The following ZC2HC1B variants were observed in gnomAD, a reference collection of about 807,000 sequenced individuals.
ZC2HC1B encodes zinc finger C2HC-type containing 1B.
Under a neutral mutation model 31.0 loss-of-function variants are expected in ZC2HC1B, and 36 were observed. That is an observed-to-expected ratio of 1.16 (90% confidence interval 0.89 to 1.54). The LOEUF (loss-of-function observed/expected upper bound fraction) is 1.54. Among genes scored for constraint, ZC2HC1B ranks in the 40% most tolerant of loss-of-function variants. The pLI, the probability that ZC2HC1B is intolerant of heterozygous loss-of-function variation, is 0.00. For missense variants in ZC2HC1B, 260 were observed against 268.6 expected (o/e 0.97, Z 0.22); for synonymous variants, 73 against 88.0 (o/e 0.83, Z 0.95).
intron 6 of ZC2HC1B, among the ~76,000 whole-genome samples, chr6:143,932,457 T>C (rs924506368): frequency 6.6e-6 from 1 of 152,354 alleles, no homozygotes; most frequent in African/African-American, 2.4e-5. Flanking sequence ...GTGGAAACTT[T>C]CCAGTGCATT....
chr6:143,927,846 A>G (rs1243601317), intron 6 of ZC2HC1B, among the ~76,000 whole-genome samples: 1 of 152,212 alleles, frequency 6.6e-6, no homozygotes, highest in Non-Finnish European at 1.5e-5. Context: ...CTGGTATAAG[A>G]TGGCACCTCA....
rs1013050185 is a variant in ZC2HC1B at position 143,870,379 on chromosome 6, A to G, written c.28+5812A>G. Among the ~76,000 whole-genome samples the G allele has an allele frequency of 1.3e-5, 2 of 152,026 alleles. No homozygotes were observed. Among genetic ancestry groups the G allele is most frequent in the Admixed American group, 6.5e-5 (1 of 15,272 alleles). ...GCTCTAGTCTTCTCTTTTTCTGTCA[A>G]CTGATCATAGAGAACTCCTCATGAG... On this transcript the variant is annotated intron_variant, in intron 1 of 7. Transcript: ENST00000237275. The surrounding 1 kb of genome is among the most constrained non-coding windows in gnomAD (Gnocchi z 4.7).
rs1176622914 is a variant in ZC2HC1B at position 143,868,676 on chromosome 6, A to G, written c.28+4109A>G. ...ACTCAGTATTAACCATCACAAGTCT[A>G]CCTCTTGTCAACTTCAACCCATACC... On this transcript the variant is annotated intron_variant, in intron 1 of 7. Coordinates refer to ENST00000237275, the MANE Select transcript of ZC2HC1B (RefSeq NM_001013623.3). This position sits in a 1 kb window ranked among gnomAD's most constrained non-coding sequence, Gnocchi z 4.2. 9.2e-5 allele frequency among the ~76,000 whole-genome samples: 14 copies of G among 152,058 alleles called. No homozygotes were observed.
In ZC2HC1B at chr6:143,918,723, G is replaced by GCT. The variant is rs1562346704; in HGVS notation, c.598+15574_598+15575dup. Among the ~76,000 whole-genome samples the GCT allele has an allele frequency of 3.9e-5, 6 of 152,180 alleles. No homozygotes were observed. The highest frequency in any genetic ancestry group is 1.5e-5 in the Non-Finnish European group (1 of 68,004). ...TGACAGTGTCCCACAGGTCCCTAAG[G>GCT]CTCTGTTCACCTTTCCTTAAGTTTT... On this transcript the variant is annotated intron_variant, in intron 6 of 7. Transcript: ENST00000237275. This position sits in a 1 kb window ranked among gnomAD's most constrained non-coding sequence, Gnocchi z 4.1.
Position 143,906,670 on chromosome 6 carries a change from A to T in ZC2HC1B, c.598+3518A>T, listed in dbSNP as rs186566238. On this transcript the variant is annotated intron_variant, in intron 6 of 7. Coordinates refer to ENST00000237275, the MANE Select transcript of ZC2HC1B (RefSeq NM_001013623.3). ...TGTTAGCTAGGCTGGTCTCTAAATT[A>T]TGGCCTCAAGTGATCTTCCCGCCTT... Among the ~76,000 whole-genome samples the T allele has an allele frequency of 9.3e-5, 14 of 151,238 alleles. No individual in the cohort carries two copies. The East Asian group carries it at 2.7e-3, about 29-fold the overall frequency.
chr6:143,913,561 C>T lies in ZC2HC1B; in HGVS notation c.598+10409C>T, dbSNP rs974682311. The stretch of plus-strand genomic sequence containing the variant: ...CCTAGGGATATATGCAGACCACCTA[C>T]CTTGCCTGTGTTGCAGAAAGACTGG... On this transcript the variant is annotated intron_variant, in intron 6 of 7. Coordinates refer to ENST00000237275, the MANE Select transcript of ZC2HC1B (RefSeq NM_001013623.3). The surrounding 1 kb of genome is among the most constrained non-coding windows in gnomAD (Gnocchi z 5.7). Among the ~76,000 whole-genome samples, 1 of 152,200 alleles carries T rather than the reference C, an allele frequency of 6.6e-6. No homozygotes were observed. Among genetic ancestry groups the T allele is most frequent in the African/African-American group, 2.4e-5 (1 of 41,464 alleles).
chr6:143,898,638 C>T lies in ZC2HC1B; in HGVS notation c.436C>T (p.Arg146Cys), dbSNP rs1368405087. Reference sequence around the variant, plus strand: ...TAATTTCTGCAAGGATCAGTCTTCTCGCCGAGTCTTTAATCCAGCTCAGAC... The same window carrying T: ...TAATTTCTGCAAGGATCAGTCTTCTTGCCGAGTCTTTAATCCAGCTCAGAC... ...HTNFCKDQSS[R>C]RVFNPAQTAA... is the part of the protein sequence containing the mutation. The change falls in exon 5 of 8, where the codon CGC becomes TGC. Residue 146 changes from arginine (R) to cysteine (C), a missense_variant. Physicochemically the swap from Arg to Cys is radical, Grantham distance 180. Coordinates refer to ENST00000237275, the MANE Select transcript of ZC2HC1B (RefSeq NM_001013623.3). The T allele has an allele frequency of 9.7e-6, 15 of 1,551,892 alleles. No individual in the cohort carries two copies. The highest frequency in any genetic ancestry group is 1.3e-5 in the Non-Finnish European group (15 of 1,147,044).
intron 5 of ZC2HC1B, among the ~76,000 whole-genome samples, chr6:143,901,328 C>T (rs1777736448): frequency 3.3e-5 from 4 of 122,382 alleles, no homozygotes; most frequent in South Asian, 2.7e-4. Context: ...GGTGTGATCT[C>T]GGCTCACTGC....
Position 143,872,668 on chromosome 6 carries a change from A to G in ZC2HC1B, c.28+8101A>G, listed in dbSNP as rs190763604. On this transcript the variant is annotated intron_variant, in intron 1 of 7. Coordinates refer to ENST00000237275, the MANE Select transcript of ZC2HC1B (RefSeq NM_001013623.3). This position sits in a 1 kb window ranked among gnomAD's most constrained non-coding sequence, Gnocchi z 5.5. ...TGGGGAGGCCTCAGAATCATGGCAG[A>G]AGGCAAAAGGCACTACTTACATGGT... Among the ~76,000 whole-genome samples the G allele has an allele frequency of 3.2e-3, 487 of 152,320 alleles. 5 individuals carry two copies. Among genetic ancestry groups the G allele is most frequent in the African/African-American group, 0.011 (469 of 41,564 alleles).
rs1468484373 is a variant in ZC2HC1B at position 143,868,111 on chromosome 6, A to C, written c.28+3544A>C. ...CCATTTCCAATTTTGCTTTTTGGGA[A>C]TCTGAAGCCATCCTGATTGCTGATC... is the stretch of plus-strand genomic sequence containing the variant. On this transcript the variant is annotated intron_variant, in intron 1 of 7. Transcript: ENST00000237275. This position sits in a 1 kb window ranked among gnomAD's most constrained non-coding sequence, Gnocchi z 4.2. Among the ~76,000 whole-genome samples the C allele has an allele frequency of 1.3e-5, 2 of 152,110 alleles. No individual in the cohort carries two copies. Among genetic ancestry groups the C allele is most frequent in the Non-Finnish European group, 2.9e-5 (2 of 68,028 alleles).
intron 6 of ZC2HC1B, among the ~76,000 whole-genome samples, chr6:143,914,178 T>C (rs916292743): frequency 6.6e-6 from 1 of 152,234 alleles, no homozygotes; most frequent in African/African-American, 2.4e-5. Context: ...AATTGGATTG[T>C]TGATTTGAGA....
intron 6 of ZC2HC1B, among the ~76,000 whole-genome samples, chr6:143,937,015 A>G (rs1420135009): frequency 2.0e-5 from 3 of 152,160 alleles, no homozygotes; most frequent in Non-Finnish European, 1.5e-5. Flanking sequence ...GAGGCTTCTT[A>G]GGACAGAGGG....
At chr6:143,916,158 C>T (rs1026195372) in intron 6 of ZC2HC1B, among the ~76,000 whole-genome samples, 1 of 152,192 alleles carries the variant, frequency 6.6e-6, no homozygotes, top group Non-Finnish European at 1.5e-5. Context: ...CCCAGCTGCT[C>T]CAGCCCTGAC....
intron 1 of ZC2HC1B, among the ~76,000 whole-genome samples, chr6:143,864,852 G>A (rs1461785656): frequency 6.6e-6 from 1 of 152,150 alleles, no homozygotes; most frequent in African/African-American, 2.4e-5. Context: ...TCAGATGATG[G>A]TTTATGTCAA....
At position 143,893,028 on chromosome 6, in the gene ZC2HC1B, A is replaced by T. The variant is rs144933769; in HGVS notation, c.350-5524A>T. 7.7e-3 allele frequency among the ~76,000 whole-genome samples: 1,178 copies of T among 152,260 alleles called. 21 individuals carry two copies. Among genetic ancestry groups the T allele is most frequent in the African/African-American group, 0.027 (1,132 of 41,542 alleles). On this transcript the variant is annotated intron_variant, in intron 4 of 7. Transcript: ENST00000237275. ...AAAAAAAAAAATGGAAAGGCAAGTT[A>T]CAGACTGGGAGAAAATATTCATAAT...
Position 143,870,505 on chromosome 6 carries a change from C to T in ZC2HC1B, c.28+5938C>T, listed in dbSNP as rs753353710. On this transcript the variant is annotated intron_variant, in intron 1 of 7. Transcript: ENST00000237275. The surrounding 1 kb of genome is among the most constrained non-coding windows in gnomAD (Gnocchi z 4.7). ...TGTAACTTACTTGTGCCTTTAGGAC[C>T]TGCTTGAGTCCAATCATGTATATAC... Among the ~76,000 whole-genome samples the T allele has an allele frequency of 5.9e-5, 9 of 152,158 alleles. No homozygotes were observed. Among genetic ancestry groups the T allele is most frequent in the Non-Finnish European group, 1.3e-4 (9 of 68,034 alleles).
At chr6:143,879,195 C>T (rs1325397359) in intron 1 of ZC2HC1B, among the ~76,000 whole-genome samples, 2 of 152,156 alleles carry the variant, frequency 1.3e-5, no homozygotes, top group Admixed American at 6.5e-5. Flanking sequence ...GGATGGTTCT[C>T]AGTTCTCCCT....
At chr6:143,916,804 C>T (rs555065143) in intron 6 of ZC2HC1B, among the ~76,000 whole-genome samples, 1 of 152,318 alleles carries the variant, frequency 6.6e-6, no homozygotes, top group Non-Finnish European at 1.5e-5. Flanking sequence ...ACCTGTACCC[C>T]CATTGTATCT....
At position 143,886,063 on chromosome 6, in the gene ZC2HC1B, T is replaced by G; in HGVS notation, c.122T>G (p.Phe41Cys). ...CATGGACCAATATGTAAGAAACTCT[T>G]CAACAGAAAGCGTAAACCTTTCAGT... is the stretch of plus-strand genomic sequence containing the variant. Reference protein sequence around the residue: ...ERHGPICKKLFNRKRKPFSSL... With the variant: ...ERHGPICKKLCNRKRKPFSSL... Residue 41 changes from phenylalanine (F) to cysteine (C), a missense_variant, in exon 3 of 8, where the codon TTC (phenylalanine) becomes TGC (cysteine). By Grantham distance (205) the Phe-to-Cys change is radical (BLOSUM62 -2). Transcript: ENST00000237275. This position sits in a 1 kb window ranked among gnomAD's most constrained non-coding sequence, Gnocchi z 4.2. The G allele has an allele frequency of 6.5e-7, 1 of 1,546,390 alleles. No homozygotes were observed. Among genetic ancestry groups the G allele is most frequent in the East Asian group, 2.5e-5 (1 of 40,764 alleles).
Sources: gnomAD v4.1 joint callset for allele counts (sites outside exome capture counted in the v4.1 genomes callset) on GRCh38, gnomAD v4.1.1 for gene constraint, Gnocchi (gnomAD v3.1) non-coding constraint, MANE v1.5 for transcripts, NCBI Gene and HGNC (gene_info 2026-07-23, HGNC 2026-07-21) for gene names.